Variants in MYRIP observed in about 807,000 individuals in gnomAD.
The protein encoded by MYRIP is myosin VIIA and Rab interacting protein.
A neutral mutation model predicts 98.0 loss-of-function variants in MYRIP; 49 were observed. The ratio of observed to expected loss-of-function variants is 0.50; its 90% confidence interval spans 0.40 to 0.63. The LOEUF is 0.63. Ranked by LOEUF, MYRIP falls within the 30% of genes least tolerant of loss-of-function variation. The pLI is 0.00. For missense variants in MYRIP, 1,004 were observed against 1,058.2 expected (o/e 0.95, Z 0.71); for synonymous variants, 404 against 409.5 (o/e 0.99, Z 0.16).
intron 9 of MYRIP, among the ~76,000 whole-genome samples, chr3:40,185,950 G>C (rs957008544): frequency 2.6e-5 from 4 of 152,194 alleles, no homozygotes; most frequent in Non-Finnish European, 4.4e-5. Context: ...GAGACGCAAA[G>C]TTGGCCAGGG....
chr3:39,958,933 T>C (rs889470743), intron 2 of MYRIP, among the ~76,000 whole-genome samples: 1 of 152,144 alleles, frequency 6.6e-6, no homozygotes, highest in Non-Finnish European at 1.5e-5. Flanking sequence ...AAAATGCTCA[T>C]CATCACTGGC....
chr3:40,255,616 A>AAAC (rs1186730167), intron 16 of MYRIP, among the ~76,000 whole-genome samples: 1 of 152,234 alleles, frequency 6.6e-6, no homozygotes, highest in East Asian at 1.9e-4. Context: ...CATTGAGAGA[A>AAAC]AACAAGGAGG....
intron 3 of MYRIP, among the ~76,000 whole-genome samples, chr3:40,045,917 T>C (rs1348557973): frequency 6.6e-6 from 1 of 152,104 alleles, no homozygotes; most frequent in Non-Finnish European, 1.5e-5. Context: ...CCAGAAGTAG[T>C]ATCTGGTAAA....
intron 2 of MYRIP, among the ~76,000 whole-genome samples, chr3:39,916,780 A>G (rs1944173607): frequency 6.6e-6 from 1 of 152,150 alleles, no homozygotes; most frequent in African/African-American, 2.4e-5. Context: ...GTCATTTAAC[A>G]TATAGAGGCC....
intron 1 of MYRIP, among the ~76,000 whole-genome samples, chr3:39,843,145 T>C (rs1435304937): frequency 1.3e-5 from 2 of 152,208 alleles, no homozygotes; most frequent in African/African-American, 4.8e-5. Context: ...CTAAAGCAGT[T>C]TCACACTCCT....
At chr3:39,814,446 A>G (rs1362729230) in intron 1 of MYRIP, among the ~76,000 whole-genome samples, 3 of 151,996 alleles carry the variant, frequency 2.0e-5, no homozygotes, top group Non-Finnish European at 1.5e-5. Flanking sequence ...TGTTTTTCAT[A>G]GTTGGGTCTT....
At chr3:39,853,062 G>A (rs1044714967) in intron 1 of MYRIP, among the ~76,000 whole-genome samples, 8 of 152,198 alleles carry the variant, frequency 5.3e-5, no homozygotes, top group Non-Finnish European at 8.8e-5. Context: ...GATTACAGGC[G>A]TGAGTCACTG....
intron 2 of MYRIP, among the ~76,000 whole-genome samples, chr3:39,956,173 G>T (rs1199369175): frequency 6.6e-6 from 1 of 152,102 alleles, no homozygotes; most frequent in East Asian, 1.9e-4. Context: ...CTGCACCAAG[G>T]AGACCTAATA....
At chr3:39,936,453 A>G (rs142167493) in intron 2 of MYRIP, among the ~76,000 whole-genome samples, 271 of 152,302 alleles carry the variant, frequency 1.8e-3, no homozygotes, top group African/African-American at 5.7e-3. Context: ...GGCCAACTCC[A>G]TGGCTCAGAT....
intron 10 of MYRIP, among the ~76,000 whole-genome samples, chr3:40,200,328 C>A (rs1951520628): frequency 6.6e-6 from 1 of 151,978 alleles, no homozygotes; most frequent in African/African-American, 2.4e-5. Flanking sequence ...TTGTGTTGGG[C>A]TCAATTCAAA....
intron 1 of MYRIP, among the ~76,000 whole-genome samples, chr3:39,853,124 T>C (rs959156447): frequency 6.6e-6 from 1 of 152,214 alleles, no homozygotes; most frequent in African/African-American, 2.4e-5. Flanking sequence ...TCATAGCATA[T>C]GTATACTACA....
intron 11 of MYRIP, among the ~76,000 whole-genome samples, chr3:40,213,797 T>G (rs890167965): frequency 1.3e-5 from 2 of 152,142 alleles, no homozygotes; most frequent in East Asian, 3.9e-4. Context: ...CACAGAAGAC[T>G]AGCTGGAAGT....
At chr3:40,196,722 G>A (rs1474550384) in intron 10 of MYRIP, among the ~76,000 whole-genome samples, 6 of 152,082 alleles carry the variant, frequency 3.9e-5, no homozygotes, top group Non-Finnish European at 8.8e-5. Flanking sequence ...ATTGTTCTGG[G>A]CATTAACAAG....
chr3:39,892,991 C>G (rs1943523763), intron 1 of MYRIP, among the ~76,000 whole-genome samples: 1 of 152,092 alleles, frequency 6.6e-6, no homozygotes, highest in Non-Finnish European at 1.5e-5. Context: ...TCTTGCAAGC[C>G]AAGTATGGTA....
intron 3 of MYRIP, among the ~76,000 whole-genome samples, chr3:40,051,262 C>A (rs1947789069): frequency 6.6e-6 from 1 of 152,062 alleles, no homozygotes; most frequent in African/African-American, 2.4e-5. Flanking sequence ...CAAAGCCACC[C>A]CAAACCTCAG....
Position 39,877,450 on chromosome 3 carries a change from GT to G in MYRIP, c.-30-23331del, listed in dbSNP as rs1156290656. Among the ~76,000 whole-genome samples the G allele has an allele frequency of 7.2e-5, 11 of 152,076 alleles. 1 individual carries two copies. Among genetic ancestry groups the G allele is most frequent in the African/African-American group, 2.4e-4 (10 of 41,450 alleles). On this transcript the variant is annotated intron_variant, in intron 1 of 16. Transcript: ENST00000302541. ...TTAGAGTTTCCAGTTTTTCTGCTCT[GT>G]TTTTTCCCCATCTTTGTGGTTTTAT... is the stretch of plus-strand genomic sequence containing the variant.
chr3:39,995,924 GC>G (rs1349992073), intron 2 of MYRIP, among the ~76,000 whole-genome samples: 2 of 152,144 alleles, frequency 1.3e-5, no homozygotes, highest in East Asian at 3.9e-4. Flanking sequence ...TTCCTATCCA[GC>G]CAAACTAAGC....
intron 10 of MYRIP, among the ~76,000 whole-genome samples, chr3:40,207,638 A>C (rs1274592805): frequency 3.9e-5 from 6 of 152,248 alleles, no homozygotes. Context: ...AACATGTCAC[A>C]TATCTTTTTA....
chr3:40,000,349 C>A (rs1946490240), intron 2 of MYRIP, among the ~76,000 whole-genome samples: 1 of 152,158 alleles, frequency 6.6e-6, no homozygotes, highest in Admixed American at 6.5e-5. Context: ...TCAGCATTTG[C>A]CTCCAGCAGC....
Sources: allele counts gnomAD v4.1 joint callset (sites outside exome capture counted in the v4.1 genomes callset), GRCh38; gene constraint gnomAD v4.1.1; transcripts MANE v1.5; gene names NCBI Gene and HGNC (gene_info 2026-07-23, HGNC 2026-07-21).